Variants in MAP4K4 observed in about 807,000 individuals in gnomAD.
MAP4K4 encodes the protein mitogen-activated protein kinase kinase kinase kinase 4.
MAP4K4 carries 38 observed loss-of-function variants against 189.6 expected under a neutral mutation model. That is an observed-to-expected ratio of 0.20 (90% CI 0.15 to 0.26). The LOEUF is 0.26. MAP4K4 is among the 10% of genes least tolerant of loss of function. The probability of loss-of-function intolerance (pLI) is 1.00; values close to 1 mark genes in which losing one functional copy is unlikely to be tolerated. For synonymous variants in MAP4K4, 610 were observed against 624.3 expected (o/e 0.98, Z 0.34); for missense variants, 1,054 against 1,726.9 (o/e 0.61, Z 6.91).
At chr2:101,805,978 G>C (rs898476060) in intron 3 of MAP4K4, among the ~76,000 whole-genome samples, 12 of 152,010 alleles carry the variant, frequency 7.9e-5, no homozygotes, top group Non-Finnish European at 1.8e-4. Context: ...GATGGTGTAG[G>C]TTTGGGGTGG....
At chr2:101,746,898 A>G (rs1326660576) in intron 2 of MAP4K4, among the ~76,000 whole-genome samples, 1 of 152,140 alleles carries the variant, frequency 6.6e-6, no homozygotes, top group Non-Finnish European at 1.5e-5. Context: ...AACATATAGA[A>G]TATTGAGGAA....
At chr2:101,797,531 C>T (rs763653089) in intron 3 of MAP4K4, 15 of 556,510 alleles carry the variant, frequency 2.7e-5, no homozygotes, top group Non-Finnish European at 4.1e-5. Flanking sequence ...ATTTCCTCGT[C>T]TTGTATTTTC....
chr2:101,760,959 C>A (rs779611006), intron 2 of MAP4K4, among the ~76,000 whole-genome samples: 1 of 152,056 alleles, frequency 6.6e-6, no homozygotes, highest in Non-Finnish European at 1.5e-5. Context: ...ACTGAGATCG[C>A]GCCATTGCAC....
intron 20 of MAP4K4, chr2:101,867,599 T>C (rs550455808): frequency 2.9e-6 from 1 of 346,130 alleles, no homozygotes; most frequent in Non-Finnish European, 5.2e-6. Context: ...TAGTTCTTAT[T>C]TAATGAAATT....
chr2:101,800,061 A>G (rs1360651646), intron 3 of MAP4K4, among the ~76,000 whole-genome samples: 2 of 151,728 alleles, frequency 1.3e-5, no homozygotes, highest in East Asian at 3.9e-4. Flanking sequence ...TGCTTAGCAT[A>G]TATTTGCTCT....
intron 26 of MAP4K4, among the ~76,000 whole-genome samples, chr2:101,875,167 A>G (rs2098164017): frequency 6.6e-6 from 1 of 152,184 alleles, no homozygotes; most frequent in South Asian, 2.1e-4. Flanking sequence ...TTCTACCAAT[A>G]ATTTCTAAGC....
chr2:101,701,120 A>T (rs1480863050), intron 2 of MAP4K4, among the ~76,000 whole-genome samples: 1 of 152,132 alleles, frequency 6.6e-6, no homozygotes, highest in African/African-American at 2.4e-5. Context: ...ATTTCAGGTA[A>T]AAAAAATCTG....
At chr2:101,720,591 T>G (rs561190621) in intron 2 of MAP4K4, among the ~76,000 whole-genome samples, 33 of 152,314 alleles carry the variant, frequency 2.2e-4, no homozygotes, top group Admixed American at 2.0e-3. Flanking sequence ...ACCTTCATAT[T>G]TTTGCCTCAG....
At chr2:101,878,037 C>T (rs903787211) in intron 27 of MAP4K4, among the ~76,000 whole-genome samples, 1 of 152,232 alleles carries the variant, frequency 6.6e-6, no homozygotes, top group African/African-American at 2.4e-5. Flanking sequence ...GCATGAGCCA[C>T]TGCGCCCGGC....
intron 3 of MAP4K4, among the ~76,000 whole-genome samples, chr2:101,795,098 C>T (rs2093541564): frequency 1.3e-5 from 2 of 152,138 alleles, no homozygotes; most frequent in Admixed American, 6.6e-5. Context: ...TCATAGCCTT[C>T]CCATTATTAG....
At chr2:101,750,510 T>A (rs1574866643) in intron 2 of MAP4K4, among the ~76,000 whole-genome samples, 1 of 57,464 alleles carries the variant, frequency 1.7e-5, no homozygotes, top group African/African-American at 7.0e-5. Context: ...GGGACTGTGG[T>A]GGGGTTGGGG....
intron 2 of MAP4K4, among the ~76,000 whole-genome samples, chr2:101,722,972 A>C (rs1465901169): frequency 1.3e-5 from 2 of 152,230 alleles, no homozygotes; most frequent in African/African-American, 4.8e-5. Context: ...ATTGACTCAC[A>C]GTTCCACATG....
intron 12 of MAP4K4, among the ~76,000 whole-genome samples, chr2:101,852,529 T>C (rs2097317983): frequency 6.6e-6 from 1 of 152,084 alleles, no homozygotes; most frequent in South Asian, 2.1e-4. Context: ...TCACCTGAAA[T>C]TAAAAAAGAA....
chr2:101,838,900 G>GGCAT (rs1391337037), intron 9 of MAP4K4, among the ~76,000 whole-genome samples: 1 of 152,158 alleles, frequency 6.6e-6, no homozygotes, highest in Admixed American at 6.5e-5. Flanking sequence ...TACCTATTGT[G>GGCAT]GCATGCATGC....
intron 2 of MAP4K4, among the ~76,000 whole-genome samples, chr2:101,745,340 C>A (rs1274968801): frequency 2.2e-5 from 3 of 134,410 alleles, no homozygotes; most frequent in East Asian, 2.1e-4. Context: ...CCCCCCCCCC[C>A]CAATACTGCT....
intron 2 of MAP4K4, among the ~76,000 whole-genome samples, chr2:101,702,236 T>C (rs2039248415): frequency 6.6e-6 from 1 of 152,208 alleles, no homozygotes; most frequent in South Asian, 2.1e-4. Flanking sequence ...TTGCATTTTG[T>C]GAGCATGTGA....
exon 33 of MAP4K4, chr2:101,892,074 G>A (rs71415333): frequency 0.01 from 1,551 of 149,840 alleles, 16 homozygotes; most frequent in Admixed American, 0.016. Context: ...GAACTTTGTC[G>A]TGTGACAGTA....
At chr2:101,823,489 G>A (rs1471981912) in intron 3 of MAP4K4, among the ~76,000 whole-genome samples, 2 of 152,178 alleles carry the variant, frequency 1.3e-5, no homozygotes, top group African/African-American at 4.8e-5. Context: ...AGAGGTAAAC[G>A]TTTTCTGGAC....
chr2:101,800,911 A>G (rs1025070376), intron 3 of MAP4K4, among the ~76,000 whole-genome samples: 8 of 152,344 alleles, frequency 5.3e-5, no homozygotes, highest in Admixed American at 1.3e-4. Context: ...AGCAGATTGA[A>G]TATCCACAGT....
Sources: gnomAD v4.1 joint callset for allele counts (sites outside exome capture counted in the v4.1 genomes callset) on GRCh38, gnomAD v4.1.1 for gene constraint, MANE v1.5 for transcripts, NCBI Gene and HGNC (gene_info 2026-07-23, HGNC 2026-07-21) for gene names.